Variants in NBPF9 observed in about 807,000 individuals in gnomAD.
The protein encoded by NBPF9 is NBPF family member NBPF9.
In NBPF9, 91 loss-of-function variants were observed where a neutral mutation model predicts 97.8. That is an observed-to-expected ratio of 0.93 (90% CI 0.79 to 1.11). The LOEUF (loss-of-function observed/expected upper bound fraction) is 1.11. NBPF9 is among the 50% of genes least tolerant of loss of function. The probability of loss-of-function intolerance (pLI) is 0.00; values close to 1 mark genes in which losing one functional copy is unlikely to be tolerated. For missense variants in NBPF9, 992 were observed against 939.5 expected, an observed-to-expected ratio of 1.06 and a Z score of -0.73; for synonymous variants, 334 against 359.5, an observed-to-expected ratio of 0.93 and a Z score of 0.80.
At chr1:149,055,327 G>T (rs1343192213) in exon 30 of NBPF9, 3 of 501,592 alleles carry the variant, frequency 6.0e-6, no homozygotes, top group Admixed American at 6.7e-5. Flanking sequence ...CCTTGAGCAG[G>T]TATAGAAGCT....
intron 29 of NBPF9, 58 bp from the exon 30 acceptor site, chr1:149,055,957 C>G (rs1422133026): frequency 1.2e-6 from 2 of 1,611,398 alleles, no homozygotes; most frequent in Non-Finnish European, 1.7e-6. Flanking sequence ...CCACAGAGCC[C>G]CACTAGATTT....
chr1:149,082,893 C>T (rs1361626327), intron 5 of NBPF9, among the ~76,000 whole-genome samples: 2 of 148,392 alleles, frequency 1.3e-5, no homozygotes, highest in Admixed American at 6.7e-5. Flanking sequence ...TATTCTCCTG[C>T]CTCAGACTCC....
In NBPF9 at chr1:149,082,252, T is replaced by A; in HGVS notation, c.-36+20A>T. The stretch of plus-strand genomic sequence containing the variant: ...TAGGTTTAATCAGGACTGAGGGATG[T>A]CAGTAACTGAAATTCTTACCTTACT... On this transcript the variant is annotated intron_variant, in intron 6 of 29. Transcript: ENST00000584027. 1 of 1,297,436 alleles carries A rather than the reference T, an allele frequency of 7.7e-7. No homozygotes were observed. The highest frequency in any genetic ancestry group is 1.1e-6 in the Non-Finnish European group (1 of 902,778). The allele number at this position is 1,297,436 out of a possible 1,614,324, so 80.4% of individuals were successfully genotyped here.
chr1:149,072,594 T>C, intron 14 of NBPF9, 124 bp downstream of exon 14: 1 of 1,436,356 alleles, frequency 7.0e-7, no homozygotes, highest in Non-Finnish European at 9.7e-7. Context: ...CCTTGTCATG[T>C]CATGGCCACA....
intron 4 of NBPF9, among the ~76,000 whole-genome samples, chr1:149,096,009 A>C (rs1445480616): frequency 2.6e-4 from 39 of 152,042 alleles, no homozygotes; most frequent in African/African-American, 9.4e-4. Context: ...TAGCCATACA[A>C]TGAAATCTGA....
intron 3 of NBPF9, 130 bp downstream of exon 3, chr1:149,101,132 A>G (rs2082119390): frequency 6.6e-6 from 1 of 151,624 alleles, no homozygotes. Context: ...CATGCCTGTA[A>G]TCCCAACACT....
chr1:149,061,958 C>A, intron 22 of NBPF9, 135 bp downstream of exon 22: 2 of 541,700 alleles, frequency 3.7e-6, no homozygotes, highest in Non-Finnish European at 6.6e-6. Flanking sequence ...AGTTTCATTA[C>A]AACCTATATG....
chr1:149,095,633 A>G (rs1430195454), intron 4 of NBPF9, among the ~76,000 whole-genome samples: 1 of 149,376 alleles, frequency 6.7e-6, no homozygotes, highest in African/African-American at 2.5e-5. Flanking sequence ...CAAAAAAAAA[A>G]AAAAAAAAGG....
At position 149,072,884 on chromosome 1, in the gene NBPF9, T is replaced by G. The variant is rs587658830; in HGVS notation, c.1140A>C (p.Leu380Phe). 2.5e-6 allele frequency: 4 copies of G among 1,606,624 alleles called. No homozygotes were observed. The East Asian group carries it at 8.9e-5, about 36-fold the overall frequency. ...CTCTCCCTTCCCGCAACTTCTCCCT[T>G]AACTGGGTCAGCTCTCGTTCCTGAG... is the stretch of plus-strand genomic sequence containing the variant. Residue 380 changes from leucine to phenylalanine, a missense_variant, in exon 14 of 30, where the codon TTA becomes TTC. Coordinates refer to ENST00000584027, the Ensembl canonical transcript of NBPF9.
At position 149,060,753 on chromosome 1, in the gene NBPF9, C is replaced by A. The variant is rs1253436327; in HGVS notation, c.2304-58G>T. 2.5e-5 allele frequency: 9 copies of A among 358,876 alleles called. 2 individuals are homozygous for A. The highest frequency in any genetic ancestry group is 3.8e-5 in the African/African-American group (1 of 26,162). The allele number at this position is 358,876 out of a possible 1,614,324, so 22.2% of individuals were successfully genotyped here. On this transcript the variant is annotated intron_variant, in intron 23 of 29. Coordinates refer to ENST00000584027, the Ensembl canonical transcript of NBPF9. ...AGGGGAAATCAGACACAACAGAGCC[C>A]CAACTAGGTTTCATGGGTAGCATAG...
chr1:149,072,393 T>C (rs2079486690), intron 14 of NBPF9, among the ~76,000 whole-genome samples: 2 of 152,142 alleles, frequency 1.3e-5, no homozygotes, highest in Admixed American at 1.3e-4. Flanking sequence ...CCTGGGAACC[T>C]TCATTCTTAG....
intron 3 of NBPF9, among the ~76,000 whole-genome samples, chr1:149,100,675 T>C (rs1328185181): frequency 6.6e-6 from 1 of 152,256 alleles, no homozygotes; most frequent in Non-Finnish European, 1.5e-5. Context: ...GGCTCATGCC[T>C]GTAATCCCCA....
chr1:149,076,212 G>T (rs1365297053), intron 11 of NBPF9, among the ~76,000 whole-genome samples: 1 of 150,810 alleles, frequency 6.6e-6, no homozygotes, highest in African/African-American at 2.4e-5. Flanking sequence ...TGGTTTTTTT[G>T]TTTGAGACAG....
intron 5 of NBPF9, among the ~76,000 whole-genome samples, chr1:149,089,363 TAGAC>T (rs1458329224): frequency 2.6e-5 from 4 of 151,588 alleles, no homozygotes; most frequent in African/African-American, 4.9e-5. Context: ...ACTGAAGTAA[TAGAC>T]AGATGCAGCT....
At chr1:149,089,636 G>A (rs1228669742) in intron 5 of NBPF9, among the ~76,000 whole-genome samples, 26 of 152,290 alleles carry the variant, frequency 1.7e-4, no homozygotes, top group African/African-American at 4.1e-4. Context: ...AGCTAATAAC[G>A]CTAGGTGACA....
chr1:149,082,772 CTT>C (rs1255301645), intron 5 of NBPF9, among the ~76,000 whole-genome samples: 9 of 146,492 alleles, frequency 6.1e-5, no homozygotes, highest in East Asian at 6.0e-4. Flanking sequence ...AGTATGTTCT[CTT>C]GTTTTGACTT....
intron 12 of NBPF9, among the ~76,000 whole-genome samples, chr1:149,074,754 G>A (rs1187310219): frequency 2.0e-5 from 3 of 151,186 alleles, no homozygotes; most frequent in Non-Finnish European, 4.4e-5. Context: ...CAGGAAGCAG[G>A]ACTTCACTCT....
chr1:149,070,961 G>T (rs1418431567), exon 16 of NBPF9: 33 of 1,612,526 alleles, frequency 2.0e-5, no homozygotes, highest in Non-Finnish European at 2.3e-5. Flanking sequence ...GCATCTTCCC[G>T]TTCAACATGA....
At chr1:149,064,941 G>C (rs587676272) in intron 18 of NBPF9, 2 of 533,442 alleles carry the variant, frequency 3.7e-6, no homozygotes, top group Non-Finnish European at 3.3e-6. Context: ...AGTAGCATCA[G>C]CTATTATGGC....
Sources: allele counts gnomAD v4.1 joint callset (sites outside exome capture counted in the v4.1 genomes callset), GRCh38; gene constraint gnomAD v4.1.1; transcripts MANE v1.5; gene names NCBI Gene and HGNC (gene_info 2026-07-23, HGNC 2026-07-21).